Variants in MGRN1 observed in about 807,000 individuals in gnomAD.
MGRN1 encodes mahogunin ring finger 1.
MGRN1 carries 29 observed loss-of-function variants against 69.2 expected under a neutral mutation model. That is an observed-to-expected ratio of 0.42 (90% confidence interval 0.31 to 0.57). The LOEUF (loss-of-function observed/expected upper bound fraction) is 0.57, where lower values mean the gene tolerates loss of function less well. Ranked by LOEUF, MGRN1 falls within the 20% of genes least tolerant of loss-of-function variation. The pLI is 0.15. For missense variants in MGRN1, 998 were observed against 796.2 expected, an observed-to-expected ratio of 1.25 and a Z score of -3.05; for synonymous variants, 470 against 344.2, an observed-to-expected ratio of 1.37 and a Z score of -4.04.
Position 4,652,036 on chromosome 16 carries a change from C to T in MGRN1, c.281C>T (p.Ser94Phe). The change falls in exon 3 of 17, where the codon TCC becomes TTC. Residue 94 changes from serine to phenylalanine, a missense_variant. Transcript: ENST00000262370. ...AGCCTGGTGAACATCCGCAAAGACT[C>T]CCTGCGGCTGGTGAGGTAACTTCAC... ...LRSLVNIRKDSLRLVRYKDDA... is the reference protein window; with the variant it reads ...LRSLVNIRKDFLRLVRYKDDA... 6.2e-7 allele frequency: 1 copy of T among 1,614,024 alleles called. No homozygotes were observed. The highest frequency in any genetic ancestry group is 8.5e-7 in the Non-Finnish European group (1 of 1,179,936).
At chr16:4,666,286 G>A (rs1258254930) in intron 7 of MGRN1, among the ~76,000 whole-genome samples, 2 of 152,038 alleles carry the variant, frequency 1.3e-5, no homozygotes, top group Admixed American at 6.6e-5. Flanking sequence ...GCACCACCAC[G>A]TCTGTCTAAC....
At position 4,682,690 on chromosome 16, in the gene MGRN1, C is replaced by G. The variant is rs978681849; in HGVS notation, c.1359-133C>G. Reference sequence around the variant, plus strand: ...GGTCCCGGTGGCTGGTGATGCCCTTCTCCAGGGAGTGTCCTTGCGTGGGTC... The same window carrying G: ...GGTCCCGGTGGCTGGTGATGCCCTTGTCCAGGGAGTGTCCTTGCGTGGGTC... On this transcript the variant is annotated intron_variant, in intron 13 of 16. Transcript: ENST00000262370. 6 of 1,098,166 alleles carry G rather than the reference C, an allele frequency of 5.5e-6. 1 individual carries two copies. In the South Asian group the frequency reaches 1.5e-4, roughly 28 times the overall value. The allele number at this position is 1,098,166 out of a possible 1,614,324, so 68.0% of individuals were successfully genotyped here.
At chr16:4,653,270 A>T (rs998197775) in intron 4 of MGRN1, among the ~76,000 whole-genome samples, 34 of 152,270 alleles carry the variant, frequency 2.2e-4, no homozygotes, top group African/African-American at 6.7e-4. Flanking sequence ...AAGGATTCAG[A>T]TGAAGAGGTT....
intron 16 of MGRN1, chr16:4,687,280 T>G: frequency 1.0e-6 from 1 of 985,328 alleles, no homozygotes; most frequent in Non-Finnish European, 1.2e-6. Context: ...GTCCAGGCAG[T>G]GGTTCGCACC....
At chr16:4,643,168 C>T (rs180895025) in intron 1 of MGRN1, among the ~76,000 whole-genome samples, 1 of 152,040 alleles carries the variant, frequency 6.6e-6, no homozygotes, top group Admixed American at 6.6e-5. Flanking sequence ...GTTGGCCAGG[C>T]TGGTCTCAAT....
At chr16:4,646,942 C>T (rs1366847660) in intron 1 of MGRN1, among the ~76,000 whole-genome samples, 1 of 152,230 alleles carries the variant, frequency 6.6e-6, no homozygotes, top group Non-Finnish European at 1.5e-5. Flanking sequence ...GACAAGCCCG[C>T]TCCTGAGTGT....
At chr16:4,625,366 G>T (rs923995787) in intron 1 of MGRN1, among the ~76,000 whole-genome samples, 3 of 152,358 alleles carry the variant, frequency 2.0e-5, no homozygotes, top group African/African-American at 7.2e-5. Flanking sequence ...GCGGGGCGGG[G>T]TGCTGAGCGC....
Position 4,682,788 on chromosome 16 carries a change from C to T in MGRN1, c.1359-35C>T, listed in dbSNP as rs773910999. On this transcript the variant is annotated intron_variant, in intron 13 of 16. Coordinates refer to ENST00000262370, the MANE Select transcript of MGRN1 (RefSeq NM_015246.4). ...AGGGTTAGCCTTCCTTGTCGTTATC[C>T]TCTCACCCCTGCCCACCCTCTCCTC... The T allele has an allele frequency of 4.7e-6, 7 of 1,498,954 alleles. No individual in the cohort carries two copies. The South Asian group carries it at 5.3e-5, about 11-fold the overall frequency. 92.9% of individuals were successfully genotyped at this position (1,498,954 alleles called of 1,614,324 possible). A position where few individuals can be genotyped will look rare whatever the true frequency, so the allele number is the denominator to read the frequency against.
At chr16:4,645,135 T>A (rs1026821739) in intron 1 of MGRN1, among the ~76,000 whole-genome samples, 18 of 42,974 alleles carry the variant, frequency 4.2e-4, no homozygotes, top group Non-Finnish European at 3.3e-4. Flanking sequence ...ATATATAGAG[T>A]GAGAGTTGGC....
chr16:4,671,256 CCCCCAGGGGTTGAGCTGGACTGA>C, intron 8 of MGRN1, 112 bp from the exon 9 acceptor site: 1 of 763,082 alleles, frequency 1.3e-6, no homozygotes, highest in South Asian at 1.6e-5. Flanking sequence ...CTTCTCCTGG[CCCCCAGGGGTTGAGCTGGACTGA>C]CCCCTGGTAT....
intron 11 of MGRN1, among the ~76,000 whole-genome samples, chr16:4,679,424 C>T (rs1052692848): frequency 1.3e-5 from 2 of 152,186 alleles, no homozygotes; most frequent in African/African-American, 4.8e-5. Context: ...CCGCCGTCCT[C>T]TCTGCATGGA....
At chr16:4,647,255 A>G (rs79283999) in intron 1 of MGRN1, among the ~76,000 whole-genome samples, 5,880 of 152,290 alleles carry the variant, frequency 0.039, 387 homozygotes, top group African/African-American at 0.14. Context: ...GCCCTGCTCC[A>G]TGACTGGGGC....
chr16:4,641,944 C>T (rs921570495), intron 1 of MGRN1, among the ~76,000 whole-genome samples: 1 of 152,040 alleles, frequency 6.6e-6, no homozygotes, highest in African/African-American at 2.4e-5. Context: ...CGTGAGCCCC[C>T]TCGGCTGGCC....
chr16:4,668,957 C>A (rs1251355388), intron 8 of MGRN1, among the ~76,000 whole-genome samples: 4 of 151,948 alleles, frequency 2.6e-5, no homozygotes, highest in Admixed American at 2.6e-4. Context: ...TATACATAGA[C>A]ACACTCATAC....
At chr16:4,655,033 A>G (rs1019987099) in intron 4 of MGRN1, among the ~76,000 whole-genome samples, 31 of 152,188 alleles carry the variant, frequency 2.0e-4, no homozygotes, top group Non-Finnish European at 7.4e-5. Context: ...GCGTAGGAGC[A>G]TTTGGAGTGA....
Position 4,682,611 on chromosome 16 carries a change from C to T in MGRN1, c.1359-212C>T, listed in dbSNP as rs1171238694. Among the ~76,000 whole-genome samples the T allele has an allele frequency of 2.6e-5, 4 of 152,210 alleles. No individual in the cohort carries two copies. In the East Asian group the frequency reaches 7.7e-4, roughly 29 times the overall value. On this transcript the variant is annotated intron_variant, in intron 13 of 16. Coordinates refer to ENST00000262370, the MANE Select transcript of MGRN1 (RefSeq NM_015246.4). The stretch of plus-strand genomic sequence containing the variant: ...AGGCCCGTGCCAGTGTGTCGGGAGC[C>T]CCTCTGTCGGGCGGGTCTGTGGTGG...
intron 11 of MGRN1, among the ~76,000 whole-genome samples, chr16:4,679,152 T>G (rs2079120400): frequency 6.6e-6 from 1 of 152,158 alleles, no homozygotes; most frequent in African/African-American, 2.4e-5. Context: ...GTGCTCAGGT[T>G]TTTGGTGGAG....
chr16:4,641,235 C>G (rs908575357), intron 1 of MGRN1, among the ~76,000 whole-genome samples: 8 of 152,270 alleles, frequency 5.3e-5, no homozygotes, highest in African/African-American at 1.9e-4. Flanking sequence ...CGGCCCCGCC[C>G]CTAACACTTC....
At chr16:4,670,213 C>G (rs2078907758) in intron 8 of MGRN1, among the ~76,000 whole-genome samples, 1 of 151,946 alleles carries the variant, frequency 6.6e-6, no homozygotes, top group South Asian at 2.1e-4. Flanking sequence ...CAGGTGTGCG[C>G]CACCACAGTT....
Sources: gnomAD v4.1 joint callset for allele counts (sites outside exome capture counted in the v4.1 genomes callset) on GRCh38, gnomAD v4.1.1 for gene constraint, MANE v1.5 for transcripts, NCBI Gene and HGNC (gene_info 2026-07-23, HGNC 2026-07-21) for gene names.